Variants in USP34 observed in about 807,000 individuals in gnomAD.
The protein encoded by USP34 is ubiquitin carboxyl-terminal hydrolase 34.
In USP34, 70 loss-of-function variants were observed where a neutral mutation model predicts 460.3. That is an observed-to-expected ratio of 0.15 (90% CI 0.13 to 0.19). The LOEUF is 0.19. Ranked by LOEUF, USP34 falls within the 10% of genes least tolerant of loss-of-function variation. USP34 has a pLI of 1.00. For missense variants in USP34, 3,985 were observed against 4,236.2 expected (o/e 0.94, Z 1.65); for synonymous variants, 1,647 against 1,405.3 (o/e 1.17, Z -3.85).
At chr2:61,301,233 G>C (rs989582245) in intron 28 of USP34, 73 bp from the exon 29 acceptor site, 54 of 1,526,048 alleles carry the variant, frequency 3.5e-5, no homozygotes, top group East Asian at 1.4e-4. Flanking sequence ...CTGAAGTATA[G>C]AATCACTTAA....
intron 67 of USP34, among the ~76,000 whole-genome samples, chr2:61,214,971 C>T (rs1273501966): frequency 1.3e-5 from 2 of 152,102 alleles, no homozygotes; most frequent in Non-Finnish European, 2.9e-5. Flanking sequence ...GCAGAATTTT[C>T]CCACTTTATC....
intron 7 of USP34, among the ~76,000 whole-genome samples, chr2:61,379,928 T>C (rs1379533053): frequency 6.6e-6 from 1 of 152,154 alleles, no homozygotes; most frequent in African/African-American, 2.4e-5. Context: ...AGAAACAAAA[T>C]GATGAAAGAG....
intron 37 of USP34, among the ~76,000 whole-genome samples, chr2:61,282,554 C>T (rs535774388): frequency 4.6e-5 from 7 of 152,008 alleles, no homozygotes; most frequent in African/African-American, 9.7e-5. Context: ...TTTGGGAGGC[C>T]GAGGCAGGAG....
chr2:61,258,156 C>A (rs1688771490), intron 44 of USP34, among the ~76,000 whole-genome samples: 2 of 151,922 alleles, frequency 1.3e-5, no homozygotes, highest in Non-Finnish European at 2.9e-5. Flanking sequence ...GAGTTCAGCA[C>A]CAGCTTGGGG....
At chr2:61,349,184 T>C (rs1464139456) in intron 13 of USP34, 66 bp downstream of exon 13, 14 of 1,524,678 alleles carry the variant, frequency 9.2e-6, no homozygotes, top group African/African-American at 1.4e-5. Flanking sequence ...GTAAAATCAA[T>C]GAACTCTAGA....
chr2:61,415,248 G>A (rs1327775934), intron 2 of USP34, among the ~76,000 whole-genome samples: 1 of 152,060 alleles, frequency 6.6e-6, no homozygotes, highest in East Asian at 1.9e-4. Context: ...CAATACTCTA[G>A]GGTTATGACC....
rs374417212 is a variant in USP34 at position 61,195,970 on chromosome 2, G to C, written c.9509-2990C>G. The stretch of plus-strand genomic sequence containing the variant: ...CACCCACGCTGGAGGACAGTGGCAC[G>C]ATCTCAGCTCACTGCAACCTCCGCC... On this transcript the variant is annotated intron_variant, in intron 75 of 79. Transcript: ENST00000398571. 2.7e-5 allele frequency among the ~76,000 whole-genome samples: 4 copies of C among 149,380 alleles called. No individual in the cohort carries two copies. The East Asian group carries it at 6.0e-4, about 22-fold the overall frequency.
At chr2:61,314,996 T>C in intron 23 of USP34, 22 bp from the exon 24 acceptor site, 1 of 1,588,358 alleles carries the variant, frequency 6.3e-7, no homozygotes, top group Non-Finnish European at 8.6e-7. Context: ...AAATATGGTA[T>C]CTCTAAATTT....
chr2:61,337,294 T>C (rs1009821607), intron 18 of USP34, among the ~76,000 whole-genome samples: 1 of 152,202 alleles, frequency 6.6e-6, no homozygotes, highest in Non-Finnish European at 1.5e-5. Flanking sequence ...CTTGCAACAT[T>C]GTGTTTGTGA....
At chr2:61,227,035 G>A in intron 62 of USP34, 32 bp downstream of exon 62, 2 of 1,571,810 alleles carry the variant, frequency 1.3e-6, no homozygotes, top group Non-Finnish European at 1.7e-6. Context: ...AACCAAACAT[G>A]CTTTAAACAT....
chr2:61,332,356 T>C (rs890223892), intron 19 of USP34, among the ~76,000 whole-genome samples: 8 of 152,076 alleles, frequency 5.3e-5, no homozygotes, highest in East Asian at 1.9e-4. Flanking sequence ...TTAAGTGATG[T>C]AGTTTATGAG....
chr2:61,232,809 T>G (rs1454652232), intron 57 of USP34, among the ~76,000 whole-genome samples: 1 of 146,736 alleles, frequency 6.8e-6, no homozygotes, highest in African/African-American at 2.5e-5. Context: ...TTAGCCCTCA[T>G]AAATGTGACA....
chr2:61,203,322 T>C, intron 74 of USP34, 59 bp from the exon 75 acceptor site: 1 of 1,372,862 alleles, frequency 7.3e-7, no homozygotes. Flanking sequence ...GAGCATATTT[T>C]GTGCAAATGT....
intron 1 of USP34, among the ~76,000 whole-genome samples, chr2:61,460,457 A>C (rs1695565136): frequency 6.6e-6 from 1 of 152,152 alleles, no homozygotes; most frequent in Non-Finnish European, 1.5e-5. Flanking sequence ...AATGGCCCCA[A>C]AGTGCAAGAG....
intron 29 of USP34, among the ~76,000 whole-genome samples, chr2:61,299,357 A>T (rs1194232741): frequency 3.3e-5 from 5 of 152,228 alleles, no homozygotes; most frequent in Non-Finnish European, 4.4e-5. Flanking sequence ...ACATGAATAC[A>T]TGAAAAGGTC....
At chr2:61,206,221 TC>T in intron 71 of USP34, 97 bp from the exon 72 acceptor site, 1 of 1,006,074 alleles carries the variant, frequency 9.9e-7, no homozygotes, top group African/African-American at 1.6e-5. Context: ...TGCTAGAAAT[TC>T]AGGTTAATTA....
chr2:61,195,369 A>AAG (rs1158309454), intron 75 of USP34, among the ~76,000 whole-genome samples: 2 of 150,810 alleles, frequency 1.3e-5, no homozygotes, highest in African/African-American at 2.4e-5. Context: ...TAAAGGTTAA[A>AAG]AAAAAAAAAA....
At chr2:61,448,861 G>A (rs1695190963) in intron 1 of USP34, among the ~76,000 whole-genome samples, 1 of 152,130 alleles carries the variant, frequency 6.6e-6, no homozygotes, top group Non-Finnish European at 1.5e-5. Flanking sequence ...ATAACAAAAA[G>A]TGCAGGCCAG....
intron 1 of USP34, among the ~76,000 whole-genome samples, chr2:61,422,713 CAAG>C (rs1694397068): frequency 1.3e-5 from 2 of 152,286 alleles, no homozygotes; most frequent in South Asian, 4.2e-4. Context: ...AAGGATTACA[CAAG>C]AAGAACTGTT....
Sources: allele counts gnomAD v4.1 joint callset (sites outside exome capture counted in the v4.1 genomes callset), GRCh38; gene constraint gnomAD v4.1.1; transcripts MANE v1.5; gene names NCBI Gene and HGNC (gene_info 2026-07-23, HGNC 2026-07-21).